Variants in GGACT observed in about 807,000 individuals in gnomAD.
GGACT encodes the protein gamma-glutamylamine cyclotransferase, also known as gamma-glutamylaminecyclotransferase.
For missense variants in GGACT, 241 were observed against 233.2 expected (o/e 1.03, Z -0.22); for synonymous variants, 118 against 115.3 (o/e 1.02, Z -0.15).
At chr13:100,568,052 C>T (rs999472717) in intron 2 of GGACT, among the ~76,000 whole-genome samples, 3 of 152,176 alleles carry the variant, frequency 2.0e-5, no homozygotes, top group Non-Finnish European at 4.4e-5. Flanking sequence ...TTCAAAACCT[C>T]CCTGGAAGCC....
chr13:100,530,834 C>T lies in GGACT; in HGVS notation c.*1296G>A, dbSNP rs559995629. On this transcript the variant is annotated 3_prime_UTR_variant, in exon 3 of 3. Transcript: ENST00000683975. ...TTGAGGATGAGCGCGCTGCCTGGTC[C>T]CTTCCCCATTGCACAAGCCAGGGCA... is the stretch of plus-strand genomic sequence containing the variant. 6.2e-6 allele frequency: 1 copy of T among 160,514 alleles called. No homozygotes were observed. Among genetic ancestry groups the T allele is most frequent in the South Asian group, 1.8e-4 (1 of 5,538 alleles). 9.9% of individuals were successfully genotyped at this position (160,514 alleles called of 1,614,324 possible).
Position 100,582,001 on chromosome 13 carries a change from G to A in GGACT, c.-11+1824C>T, listed in dbSNP as rs533620373. ...TTCTATGACATTAAGCAAAAACGTTGTAGTCCAGAAAAAGACTTGGATGTT... is the reference window on the plus strand; with the variant it reads ...TTCTATGACATTAAGCAAAAACGTTATAGTCCAGAAAAAGACTTGGATGTT... On this transcript the variant is annotated intron_variant, in intron 2 of 2. Coordinates refer to ENST00000683975, the MANE Select transcript of GGACT (RefSeq NM_001195087.2). Among the ~76,000 whole-genome samples, 3 of 152,300 alleles carry A rather than the reference G, an allele frequency of 2.0e-5. No individual in the cohort carries two copies. The East Asian group carries it at 5.8e-4, about 29-fold the overall frequency.
chr13:100,577,940 T>C (rs923172306), intron 2 of GGACT, among the ~76,000 whole-genome samples: 2 of 152,160 alleles, frequency 1.3e-5, no homozygotes, highest in African/African-American at 4.8e-5. Context: ...CTAATTGTTA[T>C]GAATAAAGGG....
At chr13:100,546,475 A>G (rs1210403909) in intron 2 of GGACT, among the ~76,000 whole-genome samples, 1 of 28,062 alleles carries the variant, frequency 3.6e-5, no homozygotes, top group Admixed American at 3.7e-4. Context: ...TGTACAACAT[A>G]AACATAAAGA....
chr13:100,575,773 A>T (rs780608180), intron 2 of GGACT, among the ~76,000 whole-genome samples: 11 of 152,176 alleles, frequency 7.2e-5, no homozygotes, highest in Non-Finnish European at 1.6e-4. Context: ...AAACAAACAA[A>T]CAAACACTAC....
rs1384714186 is a variant in GGACT at position 100,531,742 on chromosome 13, C to G, written c.*388G>C. ...TTTCTCAGGGGTTACAGGCCAGAAT[C>G]AGTATAGTAGGGCTGCTAAAATCTA... On this transcript the variant is annotated 3_prime_UTR_variant, in exon 3 of 3. Transcript: ENST00000683975. 9 of 178,972 alleles carry G rather than the reference C, an allele frequency of 5.0e-5. No homozygotes were observed. Among genetic ancestry groups the G allele is most frequent in the Admixed American group, 4.3e-4 (7 of 16,312 alleles). The allele number at this position is 178,972 out of a possible 1,614,324, so 11.1% of individuals were successfully genotyped here.
intron 2 of GGACT, among the ~76,000 whole-genome samples, chr13:100,575,249 C>T (rs1361859183): frequency 2.6e-5 from 4 of 152,156 alleles, no homozygotes; most frequent in Admixed American, 6.5e-5. Flanking sequence ...TACAGAAGGA[C>T]CTCCATTAGC....
chr13:100,564,384 C>T (rs1185475866), intron 2 of GGACT, among the ~76,000 whole-genome samples: 5 of 152,174 alleles, frequency 3.3e-5, no homozygotes, highest in Non-Finnish European at 7.4e-5. Flanking sequence ...TACATTCAAC[C>T]TTCACCTACA....
chr13:100,556,252 T>G (rs2088707303), intron 2 of GGACT, among the ~76,000 whole-genome samples: 1 of 152,256 alleles, frequency 6.6e-6, no homozygotes, highest in Non-Finnish European at 1.5e-5. Flanking sequence ...AAAAGGTTAC[T>G]AGAACTAATG....
intron 2 of GGACT, among the ~76,000 whole-genome samples, chr13:100,576,948 A>G (rs569959824): frequency 6.6e-6 from 1 of 152,384 alleles, no homozygotes; most frequent in Admixed American, 6.5e-5. Flanking sequence ...GCATGAGAGC[A>G]TGCAACTACT....
intron 2 of GGACT, among the ~76,000 whole-genome samples, chr13:100,564,499 A>T (rs2088793349): frequency 6.6e-6 from 1 of 152,246 alleles, no homozygotes; most frequent in Admixed American, 6.5e-5. Flanking sequence ...ACAAAAAGGA[A>T]AACAAAATAT....
chr13:100,569,332 AGAG>A (rs1198367848), intron 2 of GGACT, among the ~76,000 whole-genome samples: 1 of 152,236 alleles, frequency 6.6e-6, no homozygotes, highest in African/African-American at 2.4e-5. Flanking sequence ...AAATCTAGGC[AGAG>A]GTTCCCAAAC....
chr13:100,585,877 GCC>G (rs1254486912), intron 1 of GGACT, among the ~76,000 whole-genome samples: 1 of 137,842 alleles, frequency 7.3e-6, no homozygotes, highest in East Asian at 2.2e-4. Flanking sequence ...TGTGGCACAT[GCC>G]TGTAATCCCA....
At chr13:100,566,234 T>A (rs1201835624) in intron 2 of GGACT, among the ~76,000 whole-genome samples, 5 of 152,204 alleles carry the variant, frequency 3.3e-5, no homozygotes, top group African/African-American at 1.2e-4. Flanking sequence ...TTTTTGTTGT[T>A]TTCAGTCACT....
At chr13:100,532,814 A>T (rs954228076) in intron 2 of GGACT, among the ~76,000 whole-genome samples, 1 of 152,232 alleles carries the variant, frequency 6.6e-6, no homozygotes, top group African/African-American at 2.4e-5. Context: ...CCATTTAAAC[A>T]TGTGAAAGCC....
rs138851183 is a variant in GGACT at position 100,570,972 on chromosome 13, C to T, written c.-11+12853G>A. Among the ~76,000 whole-genome samples the T allele has an allele frequency of 6.2e-3, 939 of 152,004 alleles. 9 individuals are homozygous for T. The highest frequency in any genetic ancestry group is 0.021 in the African/African-American group (886 of 41,444). On this transcript the variant is annotated intron_variant, in intron 2 of 2. Transcript: ENST00000683975. ...CCTCCCCGAGAGATTGCTCAGTCTC[C>T]AAGAAAACGACCCCCTATGAGGACA...
At chr13:100,571,805 GC>G (rs1364269311) in intron 2 of GGACT, among the ~76,000 whole-genome samples, 2 of 152,050 alleles carry the variant, frequency 1.3e-5, no homozygotes, top group African/African-American at 4.8e-5. Flanking sequence ...ATACATTCTG[GC>G]CCACACATGA....
At chr13:100,560,787 G>A (rs1405321621) in intron 2 of GGACT, among the ~76,000 whole-genome samples, 1 of 152,170 alleles carries the variant, frequency 6.6e-6, no homozygotes, top group Non-Finnish European at 1.5e-5. Flanking sequence ...AAGGTTTTTG[G>A]TGTCAGTGTG....
At chr13:100,574,540 C>T (rs1875193476) in intron 2 of GGACT, among the ~76,000 whole-genome samples, 1 of 152,156 alleles carries the variant, frequency 6.6e-6, no homozygotes, top group Admixed American at 6.5e-5. Flanking sequence ...TGCACCACTG[C>T]ACTCCAGCAT....
Sources: allele counts gnomAD v4.1 joint callset (sites outside exome capture counted in the v4.1 genomes callset), GRCh38; gene constraint gnomAD v4.1.1; transcripts MANE v1.5; gene names NCBI Gene and HGNC (gene_info 2026-07-23, HGNC 2026-07-21).